TCF12: variants seen among roughly 807,000 people sequenced by gnomAD.
The protein encoded by TCF12 is DNA-binding protein HTF4.
Under a neutral mutation model 86.0 loss-of-function variants are expected in TCF12, and 45 were observed. The ratio of observed to expected loss-of-function variants is 0.52; its 90% CI spans 0.41 to 0.67. TCF12 has a LOEUF of 0.67. TCF12 is among the 30% of genes least tolerant of loss of function. TCF12 has a pLI of 0.00. For synonymous variants in TCF12, 330 were observed against 299.6 expected (o/e 1.10, Z -1.05); for missense variants, 881 against 859.9 (o/e 1.02, Z -0.31).
chr15:57,003,538 C>G (rs907163096), intron 3 of TCF12, among the ~76,000 whole-genome samples: 3 of 152,150 alleles, frequency 2.0e-5, no homozygotes, highest in African/African-American at 7.2e-5. Flanking sequence ...AAATCATCAA[C>G]AAAAACACAA....
intron 5 of TCF12, among the ~76,000 whole-genome samples, chr15:57,120,153 G>T (rs1274671968): frequency 6.6e-6 from 1 of 152,126 alleles, no homozygotes; most frequent in Non-Finnish European, 1.5e-5. Context: ...TAGATACTGC[G>T]TTGACTACTC....
intron 5 of TCF12, among the ~76,000 whole-genome samples, chr15:57,165,512 G>T (rs745436602): frequency 6.6e-6 from 1 of 151,792 alleles, no homozygotes; most frequent in Non-Finnish European, 1.5e-5. Flanking sequence ...CCAGAGGTGT[G>T]GTTTGAGCTA....
chr15:57,273,446 G>A (rs1003412414), intron 19 of TCF12, among the ~76,000 whole-genome samples, 184 bp downstream of exon 19: 1 of 151,316 alleles, frequency 6.6e-6, no homozygotes, highest in Non-Finnish European at 1.5e-5. Flanking sequence ...CAATATCTGT[G>A]GGCTGAGTGT....
intron 4 of TCF12, among the ~76,000 whole-genome samples, chr15:57,081,258 G>C (rs1309125314): frequency 1.3e-5 from 2 of 152,148 alleles, no homozygotes; most frequent in African/African-American, 2.4e-5. Flanking sequence ...GAGCCATTCA[G>C]TTCACAATAG....
chr15:57,166,367 G>A, intron 5 of TCF12, 35 bp from the exon 6 acceptor site: 1 of 1,559,944 alleles, frequency 6.4e-7, no homozygotes, highest in African/African-American at 1.4e-5. Flanking sequence ...AATAAATGAA[G>A]GGTTTTATAT....
chr15:57,253,699 A>C (rs564369259), intron 16 of TCF12, among the ~76,000 whole-genome samples: 3 of 152,274 alleles, frequency 2.0e-5, no homozygotes, highest in African/African-American at 7.2e-5. Context: ...TTTTAGCTAA[A>C]ACTTGGATTT....
chr15:57,278,715 CCTCTCCCTCCCTCCCCTCT>C (rs2061524003), intron 19 of TCF12: 1 of 119,094 alleles, frequency 8.4e-6, no homozygotes, highest in Non-Finnish European at 1.7e-5. Context: ...TCCCTCCCTC[CCTCTCCCTCCCTCCCCTCT>C]CTCTCCCTCC....
intron 5 of TCF12, among the ~76,000 whole-genome samples, chr15:57,164,545 C>T (rs530880842): frequency 6.6e-6 from 1 of 152,262 alleles, no homozygotes; most frequent in Admixed American, 6.5e-5. Context: ...GTAACCGCCT[C>T]CATGATTCAG....
chr15:57,008,755 G>A (rs1342559534), intron 3 of TCF12, among the ~76,000 whole-genome samples: 1 of 152,082 alleles, frequency 6.6e-6, no homozygotes, highest in South Asian at 2.1e-4. Context: ...TGTCCATTGC[G>A]TCAAAATCTT....
chr15:57,096,130 A>T (rs1480036251), intron 5 of TCF12, among the ~76,000 whole-genome samples: 1 of 152,148 alleles, frequency 6.6e-6, no homozygotes, highest in Non-Finnish European at 1.5e-5. Flanking sequence ...GATTATGGAG[A>T]CACTGATCTT....
chr15:57,139,154 C>T (rs1471319056), intron 5 of TCF12, among the ~76,000 whole-genome samples: 1 of 152,046 alleles, frequency 6.6e-6, no homozygotes, highest in Non-Finnish European at 1.5e-5. Context: ...CCCTTCTCAC[C>T]TCTCCTTGAC....
intron 3 of TCF12, among the ~76,000 whole-genome samples, chr15:57,060,536 A>G (rs574296631): frequency 1.3e-5 from 2 of 152,348 alleles, no homozygotes; most frequent in Admixed American, 6.5e-5. Context: ...AAGTGTTTCT[A>G]TCATTAATTA....
intron 3 of TCF12, among the ~76,000 whole-genome samples, chr15:56,955,495 T>A (rs2061470593): frequency 6.6e-6 from 1 of 152,156 alleles, no homozygotes; most frequent in Non-Finnish European, 1.5e-5. Flanking sequence ...GACACATGTA[T>A]ACCTATGTAT....
intron 5 of TCF12, among the ~76,000 whole-genome samples, chr15:57,123,736 G>A (rs1178555691): frequency 6.6e-6 from 1 of 151,816 alleles, no homozygotes; most frequent in African/African-American, 2.4e-5. Flanking sequence ...TGGATCACGA[G>A]GTCAGGAGAT....
At chr15:57,047,681 C>T (rs1468429545) in intron 3 of TCF12, among the ~76,000 whole-genome samples, 1 of 152,162 alleles carries the variant, frequency 6.6e-6, no homozygotes, top group Non-Finnish European at 1.5e-5. Context: ...AAAATATTAG[C>T]CTCAACTGAA....
intron 8 of TCF12, among the ~76,000 whole-genome samples, chr15:57,205,205 C>CGAG (rs1746684079): frequency 6.6e-6 from 1 of 151,908 alleles, no homozygotes; most frequent in Admixed American, 6.6e-5. Context: ...CCCAGCTACT[C>CGAG]TGAGAGAGCG....
At chr15:57,092,332 T>A (rs1442783241) in intron 5 of TCF12, among the ~76,000 whole-genome samples, 1 of 152,212 alleles carries the variant, frequency 6.6e-6, no homozygotes, top group African/African-American at 2.4e-5. Context: ...GATTAAAACA[T>A]AGTATATTTA....
chr15:57,229,505 TAA>T (rs34586241), intron 8 of TCF12, among the ~76,000 whole-genome samples: 23 of 148,212 alleles, frequency 1.6e-4, no homozygotes, highest in East Asian at 7.9e-4. Context: ...CCAGTCCATT[TAA>T]AAAAAAAAAA....
chr15:57,277,049 G>A (rs147758723), intron 19 of TCF12, among the ~76,000 whole-genome samples: 1,757 of 152,058 alleles, frequency 0.012, 31 homozygotes, highest in African/African-American at 0.04. Flanking sequence ...CAGGTGATCC[G>A]CCTACCTCAG....
Sources: allele counts gnomAD v4.1 joint callset (sites outside exome capture counted in the v4.1 genomes callset), GRCh38; gene constraint gnomAD v4.1.1; transcripts MANE v1.5; gene names NCBI Gene and HGNC (gene_info 2026-07-23, HGNC 2026-07-21).